The following FBXO8 variants were observed in gnomAD, a reference collection of about 807,000 sequenced individuals.
FBXO8 encodes F-box protein 8.
FBXO8 carries 15 observed loss-of-function variants against 33.4 expected under a neutral mutation model. That is an observed-to-expected ratio of 0.45 (90% CI 0.30 to 0.69). The LOEUF is 0.69. Among genes scored for constraint, FBXO8 ranks in the 30% least tolerant of loss-of-function variants. The pLI is 0.08. For synonymous variants in FBXO8, 132 were observed against 131.5 expected, an observed-to-expected ratio of 1.00 and a Z score of -0.02; for missense variants, 274 against 380.3, an observed-to-expected ratio of 0.72 and a Z score of 2.32.
In FBXO8 at chr4:174,245,053, CATTTT is replaced by C. The variant is rs1736129049; in HGVS notation, c.457-3840_457-3836del. 6.6e-6 allele frequency among the ~76,000 whole-genome samples: 1 copy of C among 151,826 alleles called. No homozygotes were observed. Among genetic ancestry groups the C allele is most frequent in the East Asian group, 1.9e-4 (1 of 5,172 alleles). ...TGAAGCAATACATTAAAATTGTCCA[CATTTT>C]ATTTTTGAAACATATTAAACACAAG... On this transcript the variant is annotated intron_variant, in intron 3 of 5. Transcript: ENST00000393674. The surrounding 1 kb of genome is among the most constrained non-coding windows in gnomAD (Gnocchi z 4.6).
At chr4:174,240,137 A>C (rs1195219329) in intron 4 of FBXO8, among the ~76,000 whole-genome samples, 15 of 135,112 alleles carry the variant, frequency 1.1e-4, no homozygotes, top group African/African-American at 4.3e-4. Flanking sequence ...AAATATTTAC[A>C]AAAAAAAAAA....
rs77154812 is a variant in FBXO8 at position 174,259,522 on chromosome 4, T to C, written c.456+177A>G. ...GTAGAAAGGTTAGAACGTGACATGGTAAGGCGAAGAAAAATGACTATGTCA... is the reference window on the plus strand; with the variant it reads ...GTAGAAAGGTTAGAACGTGACATGGCAAGGCGAAGAAAAATGACTATGTCA... On this transcript the variant is annotated intron_variant, in intron 3 of 5. Coordinates refer to ENST00000393674, the MANE Select transcript of FBXO8 (RefSeq NM_012180.3). The surrounding 1 kb of genome is among the most constrained non-coding windows in gnomAD (Gnocchi z 4.3). Among the ~76,000 whole-genome samples the C allele has an allele frequency of 0.014, 2,057 of 152,168 alleles. 37 individuals carry two copies. Among genetic ancestry groups the C allele is most frequent in the African/African-American group, 0.046 (1,897 of 41,538 alleles).
Position 174,259,391 on chromosome 4 carries a change from CTTA to C in FBXO8, c.456+305_456+307del, listed in dbSNP as rs1233626542. Among the ~76,000 whole-genome samples, 1 of 151,944 alleles carries C rather than the reference CTTA, an allele frequency of 6.6e-6. No homozygotes were observed. The highest frequency in any genetic ancestry group is 1.5e-5 in the Non-Finnish European group (1 of 67,920). ...AAATCTGATGAACACACTCTGTGTTCTTATTATCAAATTTTTGTGCTCTCTACT... is the reference window on the plus strand; with the variant it reads ...AAATCTGATGAACACACTCTGTGTTCTTATCAAATTTTTGTGCTCTCTACT... On this transcript the variant is annotated intron_variant, in intron 3 of 5. Transcript: ENST00000393674. The surrounding 1 kb of genome is among the most constrained non-coding windows in gnomAD (Gnocchi z 4.3).
In FBXO8 at chr4:174,278,041, T is replaced by C. The variant is rs931520261; in HGVS notation, c.-9+5369A>G. ...ATTTATTTCTTCACTTCCAAAAGAATAGACCACCAAAGAAGTTTAGAACAG... is the reference window on the plus strand; with the variant it reads ...ATTTATTTCTTCACTTCCAAAAGAACAGACCACCAAAGAAGTTTAGAACAG... On this transcript the variant is annotated intron_variant, in intron 1 of 5. Transcript: ENST00000393674. The surrounding 1 kb of genome is among the most constrained non-coding windows in gnomAD (Gnocchi z 4.1). Among the ~76,000 whole-genome samples, 19 of 152,162 alleles carry C rather than the reference T, an allele frequency of 1.2e-4. No individual in the cohort carries two copies. Among genetic ancestry groups the C allele is most frequent in the Admixed American group, 5.2e-4 (8 of 15,298 alleles).
At chr4:174,244,311 A>G (rs1736111151) in intron 3 of FBXO8, among the ~76,000 whole-genome samples, 1 of 151,642 alleles carries the variant, frequency 6.6e-6, no homozygotes, top group Admixed American at 6.6e-5. Context: ...GGAAATCTCA[A>G]TTATAGGCAG....
At chr4:174,248,420 A>C (rs1029324181) in intron 3 of FBXO8, among the ~76,000 whole-genome samples, 1 of 152,030 alleles carries the variant, frequency 6.6e-6, no homozygotes, top group African/African-American at 2.4e-5. Flanking sequence ...ATTCACCAGA[A>C]GGCTCTGTGT....
Position 174,281,536 on chromosome 4 carries a change from G to A in FBXO8, c.-9+1874C>T, listed in dbSNP as rs190655367. Reference sequence around the variant, plus strand: ...GCACAGTCAGACAAAAAAATTAAAAGAAATAACCACACGTGATGGCGTGTG... The same window carrying A: ...GCACAGTCAGACAAAAAAATTAAAAAAAATAACCACACGTGATGGCGTGTG... On this transcript the variant is annotated intron_variant, in intron 1 of 5. Coordinates refer to ENST00000393674, the MANE Select transcript of FBXO8 (RefSeq NM_012180.3). The surrounding 1 kb of genome is among the most constrained non-coding windows in gnomAD (Gnocchi z 4.6). Among the ~76,000 whole-genome samples, 237 of 152,092 alleles carry A rather than the reference G, an allele frequency of 1.6e-3. No individual in the cohort carries two copies. The highest frequency in any genetic ancestry group is 2.4e-3 in the Non-Finnish European group (166 of 67,972).
chr4:174,241,252 TTGCTC>T lies in FBXO8; in HGVS notation c.457-39_457-35del. On this transcript the variant is annotated intron_variant, in intron 3 of 5. Transcript: ENST00000393674. This position sits in a 1 kb window ranked among gnomAD's most constrained non-coding sequence, Gnocchi z 4.2. ...GAAAGACAAGTCTACATAAATAAAA[TTGCTC>T]TTTATTTATGCATTTTAACAATTAA... is the stretch of plus-strand genomic sequence containing the variant. 6 of 1,289,434 alleles carry T rather than the reference TTGCTC, an allele frequency of 4.7e-6. No homozygotes were observed. The highest frequency in any genetic ancestry group is 6.6e-6 in the Non-Finnish European group (6 of 906,612). 79.9% of individuals were successfully genotyped at this position (1,289,434 alleles called of 1,614,324 possible). A position where few individuals can be genotyped will look rare whatever the true frequency, so the allele number is the denominator to read the frequency against.
At chr4:174,276,046 A>C (rs1444765880) in intron 1 of FBXO8, among the ~76,000 whole-genome samples, 1 of 152,198 alleles carries the variant, frequency 6.6e-6, no homozygotes, top group African/African-American at 2.4e-5. Flanking sequence ...ATATGAATTA[A>C]TTTGGATTGC....
rs1313804565 is a variant in FBXO8, at chr4:174,241,609, A to G, written c.457-391T>C. 6.6e-6 allele frequency among the ~76,000 whole-genome samples: 1 copy of G among 151,568 alleles called. No homozygotes were observed. Among genetic ancestry groups the G allele is most frequent in the Non-Finnish European group, 1.5e-5 (1 of 67,580 alleles). On this transcript the variant is annotated intron_variant, in intron 3 of 5. Transcript: ENST00000393674. This position sits in a 1 kb window ranked among gnomAD's most constrained non-coding sequence, Gnocchi z 4.2. ...TACAAAACATGATTTCTTAAAGCTC[A>G]CATATATATTGCAGTATGCCTTTCA... is the stretch of plus-strand genomic sequence containing the variant.
chr4:174,265,870 G>C lies in FBXO8; in HGVS notation c.-8-2770C>G, dbSNP rs1298363427. ...CATTGCTATTCCTCTATTTAACTTA[G>C]CAAGAAAATATCTAGAAATCACATT... On this transcript the variant is annotated intron_variant, in intron 1 of 5. Transcript: ENST00000393674. This position sits in a 1 kb window ranked among gnomAD's most constrained non-coding sequence, Gnocchi z 4.7. Among the ~76,000 whole-genome samples the C allele has an allele frequency of 1.6e-4, 24 of 152,002 alleles. No individual in the cohort carries two copies.
rs558617916 is a variant in FBXO8, at chr4:174,238,906, C to T, written c.772+88G>A. On this transcript the variant is annotated intron_variant, in intron 5 of 5. Coordinates refer to ENST00000393674, the MANE Select transcript of FBXO8 (RefSeq NM_012180.3). ...ATTTGTAATTACTGAGAATATTTTT[C>T]CCCACAGTGAGACAAATGTCTCATA... 91 of 789,900 alleles carry T rather than the reference C, an allele frequency of 1.2e-4. 1 individual carries two copies. In the South Asian group the frequency reaches 2.6e-3, roughly 23 times the overall value. The allele number at this position is 789,900 out of a possible 1,614,324, so 48.9% of individuals were successfully genotyped here. A position where few individuals can be genotyped will look rare whatever the true frequency, so the allele number is the denominator to read the frequency against.
At chr4:174,273,503 T>C (rs1267834188) in intron 1 of FBXO8, among the ~76,000 whole-genome samples, 1 of 152,004 alleles carries the variant, frequency 6.6e-6, no homozygotes. Context: ...GATAAAAATA[T>C]GGTATCATAG....
At chr4:174,266,717 G>A (rs1357902400) in intron 1 of FBXO8, among the ~76,000 whole-genome samples, 4 of 151,978 alleles carry the variant, frequency 2.6e-5, no homozygotes, top group Admixed American at 2.6e-4. Flanking sequence ...CAGGACCCTG[G>A]GAAAGTTACT....
chr4:174,250,005 T>C (rs1030362150), intron 3 of FBXO8, among the ~76,000 whole-genome samples: 2 of 152,004 alleles, frequency 1.3e-5, no homozygotes, highest in Non-Finnish European at 2.9e-5. Flanking sequence ...CCTAGAACAG[T>C]GCCTGGTTCT....
Position 174,241,018 on chromosome 4 carries a change from A to C in FBXO8, c.575+82T>G, listed in dbSNP as rs959446422. 5 of 720,814 alleles carry C rather than the reference A, an allele frequency of 6.9e-6. No individual in the cohort carries two copies. Among genetic ancestry groups the C allele is most frequent in the Non-Finnish European group, 1.2e-5 (5 of 434,342 alleles). 44.7% of individuals were successfully genotyped at this position (720,814 alleles called of 1,614,324 possible). On this transcript the variant is annotated intron_variant, in intron 4 of 5. Coordinates refer to ENST00000393674, the MANE Select transcript of FBXO8 (RefSeq NM_012180.3). The surrounding 1 kb of genome is among the most constrained non-coding windows in gnomAD (Gnocchi z 4.2). ...TTTTGCAACCAGATGATTACTATGC[A>C]GTATTAGTTTTAAAGTAAAACTTAA...
At position 174,259,924 on chromosome 4, in the gene FBXO8, T is replaced by C; in HGVS notation, c.330-99A>G. ...GCAAAAATAGTAACATGAAATAAGA[T>C]TGAATTTTATAGTTCTAAAGTTTAA... On this transcript the variant is annotated intron_variant, in intron 2 of 5. Coordinates refer to ENST00000393674, the MANE Select transcript of FBXO8 (RefSeq NM_012180.3). The surrounding 1 kb of genome is among the most constrained non-coding windows in gnomAD (Gnocchi z 4.3). The C allele has an allele frequency of 4.0e-6, 5 of 1,262,292 alleles. No individual in the cohort carries two copies. In the South Asian group the frequency reaches 4.9e-5, roughly 12 times the overall value. The allele number at this position is 1,262,292 out of a possible 1,614,324, so 78.2% of individuals were successfully genotyped here. A position where few individuals can be genotyped will look rare whatever the true frequency, so the allele number is the denominator to read the frequency against.
chr4:174,270,702 C>T lies in FBXO8; in HGVS notation c.-8-7602G>A, dbSNP rs1386431962. On this transcript the variant is annotated intron_variant, in intron 1 of 5. Coordinates refer to ENST00000393674, the MANE Select transcript of FBXO8 (RefSeq NM_012180.3). The surrounding 1 kb of genome is among the most constrained non-coding windows in gnomAD (Gnocchi z 4.6). ...CGCGATCTCGGCTCACTGCAACCTC[C>T]ACCTCCCAGGTTCAAGTGATTCTCC... 6.6e-6 allele frequency among the ~76,000 whole-genome samples: 1 copy of T among 151,726 alleles called. No individual in the cohort carries two copies. The highest frequency in any genetic ancestry group is 1.5e-5 in the Non-Finnish European group (1 of 67,928).
chr4:174,239,653 TA>T (rs1735981169), intron 4 of FBXO8, among the ~76,000 whole-genome samples: 1 of 151,928 alleles, frequency 6.6e-6, no homozygotes, highest in African/African-American at 2.4e-5. Context: ...TATTGTTTTA[TA>T]ATTTGTTTTT....
Sources: allele counts gnomAD v4.1 joint callset (sites outside exome capture counted in the v4.1 genomes callset), GRCh38; gene constraint gnomAD v4.1.1; non-coding constraint Gnocchi (gnomAD v3.1); transcripts MANE v1.5; gene names NCBI Gene and HGNC (gene_info 2026-07-23, HGNC 2026-07-21).